Variants in STAT6 observed in about 807,000 individuals in gnomAD.
STAT6 encodes the protein signal transducer and activator of transcription 6.
STAT6 carries 45 observed loss-of-function variants against 106.3 expected under a neutral mutation model. The observed-to-expected ratio is 0.42, with a 90% CI of 0.33 to 0.54. STAT6 has a LOEUF of 0.54. STAT6 is among the 20% of genes least tolerant of loss of function. The pLI is 0.06. For missense variants in STAT6, 797 were observed against 1,062.2 expected (o/e 0.75, Z 3.47); for synonymous variants, 413 against 413.6 (o/e 1.00, Z 0.02).
At chr12:57,108,080 T>C in intron 2 of STAT6, 83 bp downstream of exon 2, 11 of 899,582 alleles carry the variant, frequency 1.2e-5, no homozygotes, top group Non-Finnish European at 1.9e-5. Context: ...TCTGAATCCA[T>C]GGGTGAGGGG....
chr12:57,097,368 C>G (rs1412554722), intron 19 of STAT6: 2 of 368,622 alleles, frequency 5.4e-6, no homozygotes, highest in African/African-American at 4.2e-5. Context: ...TTTGGTAGTT[C>G]TTAAGTCCCC....
chr12:57,096,813 G>T, intron 21 of STAT6, 37 bp downstream of exon 21: 1 of 1,613,872 alleles, frequency 6.2e-7, no homozygotes, highest in Non-Finnish European at 8.5e-7. Context: ...CACTCCCCTA[G>T]ATGCCACCCA....
At chr12:57,106,160 GC>G (rs752964446) in intron 7 of STAT6, 30 bp downstream of exon 7, 1 of 1,611,588 alleles carries the variant, frequency 6.2e-7, no homozygotes, top group Non-Finnish European at 8.5e-7. Flanking sequence ...CCCCCAGCTT[GC>G]CCCCTCTTCC....
Position 57,097,122 on chromosome 12 carries a change from T to G in STAT6, c.2171A>C (p.Gln724Pro). Reference sequence around the variant, plus strand: ...CATCTGGCCCAGGCTGGGGGGCATCTGCAGGTGAGGCCTGGAAGTAGGGAG... The same window carrying G: ...CATCTGGCCCAGGCTGGGGGGCATCGGCAGGTGAGGCCTGGAAGTAGGGAG... Reference protein sequence around the residue: ...VLSAFQEPHLQMPPSLGQMSL... With the variant: ...VLSAFQEPHLPMPPSLGQMSL... Residue 724 changes from glutamine to proline, a missense_variant, in exon 20 of 22, where the codon CAG becomes CCG. Gln to Pro is a moderately conservative substitution (Grantham distance 76). Transcript: ENST00000300134. The G allele has an allele frequency of 1.3e-6, 2 of 1,515,226 alleles. No homozygotes were observed. The highest frequency in any genetic ancestry group is 1.8e-6 in the Non-Finnish European group (2 of 1,132,310). 93.9% of individuals were successfully genotyped at this position (1,515,226 alleles called of 1,614,324 possible).
chr12:57,109,875 A>T (rs1164583996), intron 1 of STAT6: 2 of 152,092 alleles, frequency 1.3e-5, no homozygotes, highest in Non-Finnish European at 2.9e-5. Flanking sequence ...GGATGGGATG[A>T]CAACTCCCCA....
chr12:57,104,700 C>T (rs745485960), intron 10 of STAT6, 26 bp downstream of exon 10: 5 of 1,614,008 alleles, frequency 3.1e-6, no homozygotes, highest in Non-Finnish European at 4.2e-6. Flanking sequence ...GTGGTGCCCC[C>T]CTCACTGCAC....
At chr12:57,104,294 G>C in intron 11 of STAT6, 170 bp downstream of exon 11, 1 of 916,394 alleles carries the variant, frequency 1.1e-6, no homozygotes, top group Non-Finnish European at 1.6e-6. Context: ...TCCCTGCCCT[G>C]TGCACTCCAT....
At chr12:57,098,201 G>A (rs1384810595) in intron 19 of STAT6, among the ~76,000 whole-genome samples, 2 of 152,128 alleles carry the variant, frequency 1.3e-5, no homozygotes, top group Non-Finnish European at 2.9e-5. Flanking sequence ...TAAGTGTTAT[G>A]AACTCATTTA....
At position 57,102,172 on chromosome 12, in the gene STAT6, C is replaced by T. The variant is rs3024967; in HGVS notation, c.1512+118G>A. The T allele has an allele frequency of 5.7e-3, 6,536 of 1,146,190 alleles. 250 individuals are homozygous for T. In the African/African-American group the frequency reaches 0.086, roughly 15 times the overall value. 71.0% of individuals were successfully genotyped at this position (1,146,190 alleles called of 1,614,324 possible). ...GTCCATGACAGGCCTTCCTAAAGGACCTGAGGGGGCACTGTGGAGAATCCA... is the reference window on the plus strand; with the variant it reads ...GTCCATGACAGGCCTTCCTAAAGGATCTGAGGGGGCACTGTGGAGAATCCA... On this transcript the variant is annotated intron_variant, in intron 13 of 21. Transcript: ENST00000300134.
chr12:57,108,662 T>C (rs11172104), intron 1 of STAT6, among the ~76,000 whole-genome samples: 188 of 152,344 alleles, frequency 1.2e-3, no homozygotes, highest in Middle Eastern at 3.4e-3. Flanking sequence ...TTCTCATCTA[T>C]AAAATATGAG....
intron 11 of STAT6, chr12:57,104,187 G>T (rs56214329): frequency 1.2e-5 from 5 of 426,260 alleles, no homozygotes; most frequent in Non-Finnish European, 2.2e-5. Context: ...AAAACCAGAC[G>T]TGTGTGTGCT....
chr12:57,101,264 T>C (rs1461066165), intron 13 of STAT6, among the ~76,000 whole-genome samples: 1 of 152,016 alleles, frequency 6.6e-6, no homozygotes, highest in Non-Finnish European at 1.5e-5. Context: ...AATTTTTGTA[T>C]TTTTAGTAGA....
chr12:57,110,318 T>C (rs2034506552), intron 1 of STAT6: 1 of 152,234 alleles, frequency 6.6e-6, no homozygotes, highest in Admixed American at 6.5e-5. Flanking sequence ...GCACCTTTTG[T>C]CTTCAGCCCC....
In STAT6 at chr12:57,099,263, G is replaced by A. The variant is rs940404683; in HGVS notation, c.1891+31C>T. On this transcript the variant is annotated intron_variant, in intron 16 of 21. Transcript: ENST00000300134. This position sits in a 1 kb window ranked among gnomAD's most constrained non-coding sequence, Gnocchi z 4.7. ...GGAGCAGGGAGGAAGTGGGTGACAGGAAGGAATCAGAGCTGCCAGTTCCAG... is the reference window on the plus strand; with the variant it reads ...GGAGCAGGGAGGAAGTGGGTGACAGAAAGGAATCAGAGCTGCCAGTTCCAG... The A allele has an allele frequency of 3.7e-6, 6 of 1,613,396 alleles. No individual in the cohort carries two copies. Among genetic ancestry groups the A allele is most frequent in the Non-Finnish European group, 5.1e-6 (6 of 1,179,586 alleles).
intron 12 of STAT6, 60 bp from the exon 13 acceptor site, chr12:57,102,556 G>T: frequency 6.4e-7 from 1 of 1,557,898 alleles, no homozygotes. Context: ...TCCTCGGGCC[G>T]GCCTTCATCC....
intron 19 of STAT6, among the ~76,000 whole-genome samples, chr12:57,097,828 A>G (rs2033548820): frequency 6.6e-6 from 1 of 152,034 alleles, no homozygotes; most frequent in Admixed American, 6.6e-5. Context: ...CGAGCCCAAG[A>G]GGCGGAGGTT....
At chr12:57,100,706 GAAAGAAAGAAAGAAAGAA>G (rs1565684767) in intron 13 of STAT6, 120 of 45,924 alleles carry the variant, frequency 2.6e-3, no homozygotes, top group East Asian at 9.4e-3. Flanking sequence ...GAAAGAGAAA[GAAAGAAAGAAAGAAAGAA>G]AGAAAGAAAG....
chr12:57,106,527 C>T lies in STAT6; in HGVS notation c.531+1G>A. 1 of 1,614,138 alleles carries T rather than the reference C, an allele frequency of 6.2e-7. No homozygotes were observed. The highest frequency in any genetic ancestry group is 8.5e-7 in the Non-Finnish European group (1 of 1,180,018). On this transcript the variant is annotated splice_donor_variant, in intron 6 of 21. Coordinates refer to ENST00000300134, the MANE Select transcript of STAT6 (RefSeq NM_003153.5). LOFTEE classifies it high-confidence loss of function. ...TCTCCACCTGTCAGCCCATTACTCA[C>T]CTCACTTGGCCCAGTCCCATTAGCA...
intron 19 of STAT6, among the ~76,000 whole-genome samples, chr12:57,097,865 A>G (rs2033553254): frequency 6.6e-6 from 1 of 151,890 alleles, no homozygotes; most frequent in South Asian, 2.1e-4. Flanking sequence ...GCACCACTGC[A>G]CTCCAGTGAG....
Sources: allele counts gnomAD v4.1 joint callset (sites outside exome capture counted in the v4.1 genomes callset), GRCh38; gene constraint gnomAD v4.1.1; non-coding constraint Gnocchi (gnomAD v3.1); transcripts MANE v1.5; gene names NCBI Gene and HGNC (gene_info 2026-07-23, HGNC 2026-07-21).